Variants in RAD51B observed in about 807,000 individuals in gnomAD.
RAD51B encodes the protein DNA repair protein RAD51 homolog 2.
Under a neutral mutation model 42.2 loss-of-function variants are expected in RAD51B, and 38 were observed. That is an observed-to-expected ratio of 0.90 (90% CI 0.70 to 1.18). RAD51B has a LOEUF of 1.18. RAD51B is among the 50% of genes most tolerant of loss of function. The pLI is 0.00. For missense variants in RAD51B, 373 were observed against 400.7 expected, an observed-to-expected ratio of 0.93 and a Z score of 0.59; for synonymous variants, 154 against 145.2, an observed-to-expected ratio of 1.06 and a Z score of -0.43.
At chr14:68,632,469 C>T (rs1310918245) in intron 10 of RAD51B, among the ~76,000 whole-genome samples, 1 of 152,208 alleles carries the variant, frequency 6.6e-6, no homozygotes, top group Non-Finnish European at 1.5e-5. Context: ...TCCAGGGATG[C>T]CATCCAGACG....
At chr14:68,600,936 T>C (rs1004979386), downstream of RAD51B, among the ~76,000 whole-genome samples, 1 of 152,206 alleles carries the variant, frequency 6.6e-6, no homozygotes, top group African/African-American at 2.4e-5. Context: ...AGGTATTTCC[T>C]TACTTTACAG....
At chr14:68,615,160 G>A (rs1464031699), downstream of RAD51B, among the ~76,000 whole-genome samples, 1 of 151,996 alleles carries the variant, frequency 6.6e-6, no homozygotes, top group Non-Finnish European at 1.5e-5. Flanking sequence ...TATCCTTACT[G>A]GTTTACTGAT....
chr14:68,186,715 A>G (rs780339127), intron 7 of RAD51B, among the ~76,000 whole-genome samples: 5 of 152,170 alleles, frequency 3.3e-5, no homozygotes, highest in Non-Finnish European at 5.9e-5. Flanking sequence ...CCAAAAAACA[A>G]CATGTTGGCA....
chr14:67,991,794 G>A (rs1275141708), intron 7 of RAD51B, among the ~76,000 whole-genome samples: 2 of 152,122 alleles, frequency 1.3e-5, no homozygotes, highest in Non-Finnish European at 2.9e-5. Context: ...ATAAACATAG[G>A]AGTGCAGATA....
At chr14:68,091,136 A>G (rs1053911508) in intron 7 of RAD51B, among the ~76,000 whole-genome samples, 6 of 151,976 alleles carry the variant, frequency 3.9e-5, no homozygotes, top group Non-Finnish European at 8.8e-5. Flanking sequence ...AGTCTTTGCT[A>G]TTGTGAATAG....
intron 10 of RAD51B, among the ~76,000 whole-genome samples, chr14:68,508,130 G>A (rs1885470759): frequency 6.6e-6 from 1 of 152,148 alleles, no homozygotes; most frequent in South Asian, 2.1e-4. Context: ...GATGCTGATG[G>A]GGTCATTTCC....
chr14:68,282,390 G>A (rs1429282822), intron 7 of RAD51B, among the ~76,000 whole-genome samples: 1 of 152,136 alleles, frequency 6.6e-6, no homozygotes, highest in East Asian at 1.9e-4. Flanking sequence ...GAGGAAGCCT[G>A]CCCCTACTTA....
chr14:67,873,639 G>A lies in RAD51B; in HGVS notation c.452+8500G>A, dbSNP rs531146146. 1.4e-4 allele frequency among the ~76,000 whole-genome samples: 21 copies of A among 151,602 alleles called. No homozygotes were observed. The South Asian group carries it at 3.6e-3, about 26-fold the overall frequency. On this transcript the variant is annotated intron_variant, in intron 5 of 10. Coordinates refer to ENST00000471583, the MANE Select transcript of RAD51B (RefSeq NM_133510.4). ...TGCTGCTATAAAGACACATGCACACGTATGTTTATTGTGGCATTATTCACA... is the reference window on the plus strand; with the variant it reads ...TGCTGCTATAAAGACACATGCACACATATGTTTATTGTGGCATTATTCACA...
At chr14:68,156,194 T>A (rs2078500209) in intron 7 of RAD51B, among the ~76,000 whole-genome samples, 2 of 152,220 alleles carry the variant, frequency 1.3e-5, no homozygotes, top group South Asian at 4.1e-4. Flanking sequence ...TCCAGACAAT[T>A]TGCTATGTCA....
intron 7 of RAD51B, among the ~76,000 whole-genome samples, chr14:68,208,680 T>G (rs772667520): frequency 6.6e-6 from 1 of 152,170 alleles, no homozygotes; most frequent in South Asian, 2.1e-4. Context: ...CTCAGAGAGA[T>G]AAAATGTGTC....
chr14:68,582,482 G>C (rs1014833404), intron 10 of RAD51B, among the ~76,000 whole-genome samples: 4 of 152,140 alleles, frequency 2.6e-5, no homozygotes, highest in African/African-American at 9.7e-5. Flanking sequence ...TAAGAATGGC[G>C]ATCATTAAAA....
At position 68,519,477 on chromosome 14, in the gene RAD51B, G is replaced by A. The variant is rs1886418415; in HGVS notation, c.1036+51227G>A. 2.0e-5 allele frequency among the ~76,000 whole-genome samples: 3 copies of A among 152,210 alleles called. No individual in the cohort carries two copies. The South Asian group carries it at 6.2e-4, about 32-fold the overall frequency. ...TCTTGGCATCTGGAAGGAACAGCTG[G>A]CTTCAGTCCCAGTTGGCCTAAGAAT... On this transcript the variant is annotated intron_variant, in intron 10 of 10. Transcript: ENST00000487270.
chr14:67,863,150 A>ATTTTTT (rs5809367), intron 4 of RAD51B, among the ~76,000 whole-genome samples: 46 of 74,010 alleles, frequency 6.2e-4, no homozygotes, highest in African/African-American at 2.1e-3. Context: ...AAATATGGGA[A>ATTTTTT]TTTTTTTTTT....
At chr14:68,071,118 G>C (rs1316195514) in intron 7 of RAD51B, among the ~76,000 whole-genome samples, 1 of 151,858 alleles carries the variant, frequency 6.6e-6, no homozygotes, top group Non-Finnish European at 1.5e-5. Context: ...CATTGATTTT[G>C]TATGCTGAAA....
intron 10 of RAD51B, among the ~76,000 whole-genome samples, chr14:68,577,309 GC>G (rs938336581): frequency 3.1e-4 from 47 of 152,228 alleles, no homozygotes; most frequent in African/African-American, 1.1e-3. Flanking sequence ...CTAGAGCCAA[GC>G]CACTGGACCC....
At chr14:68,631,799 C>G (rs931485853) in intron 10 of RAD51B, among the ~76,000 whole-genome samples, 3 of 152,212 alleles carry the variant, frequency 2.0e-5, no homozygotes, top group East Asian at 1.9e-4. Context: ...GCCGCTCAGG[C>G]TCCTGCCTCC....
chr14:68,215,428 T>C (rs1314210233), intron 7 of RAD51B, among the ~76,000 whole-genome samples: 2 of 152,188 alleles, frequency 1.3e-5, no homozygotes, highest in African/African-American at 4.8e-5. Flanking sequence ...AGAGTGGTGG[T>C]GGGAACAATT....
At chr14:68,569,746 G>A (rs1444908282) in intron 10 of RAD51B, among the ~76,000 whole-genome samples, 3 of 152,198 alleles carry the variant, frequency 2.0e-5, no homozygotes, top group Non-Finnish European at 2.9e-5. Context: ...ACGGGCTCTC[G>A]GGTTTGCCAT....
At chr14:68,606,064 GT>G (rs1301753360) in intron 10 of RAD51B, among the ~76,000 whole-genome samples, 1 of 152,188 alleles carries the variant, frequency 6.6e-6, no homozygotes, top group Admixed American at 6.5e-5. Context: ...TTAAAACACA[GT>G]GTGCCCTAAC....
Sources: gnomAD v4.1 joint callset for allele counts (sites outside exome capture counted in the v4.1 genomes callset) on GRCh38, gnomAD v4.1.1 for gene constraint, MANE v1.5 for transcripts, NCBI Gene and HGNC (gene_info 2026-07-23, HGNC 2026-07-21) for gene names.